The following DGKH variants were observed in gnomAD, a reference collection of about 807,000 sequenced individuals.
DGKH encodes the protein diacylglycerol kinase eta.
In DGKH, 90 loss-of-function variants were observed where a neutral mutation model predicts 159.3. The ratio of observed to expected loss-of-function variants is 0.57; its 90% CI spans 0.48 to 0.67. The LOEUF is 0.67. Among genes scored for constraint, DGKH ranks in the 30% least tolerant of loss-of-function variants. DGKH has a pLI of 0.00. For synonymous variants in DGKH, 536 were observed against 553.8 expected (o/e 0.97, Z 0.45); for missense variants, 1,181 against 1,506.1 (o/e 0.78, Z 3.57).
intron 3 of DGKH, among the ~76,000 whole-genome samples, chr13:42,138,840 A>C (rs1263145752): frequency 6.6e-6 from 1 of 151,992 alleles, no homozygotes; most frequent in Non-Finnish European, 1.5e-5. Context: ...ATTTTATAGC[A>C]CTCTAAAATG....
chr13:42,166,446 C>G, intron 8 of DGKH, 69 bp from the exon 9 acceptor site: 1 of 1,303,414 alleles, frequency 7.7e-7, no homozygotes, highest in Non-Finnish European at 1.0e-6. Flanking sequence ...TTTCTTTTCT[C>G]TGAATGTTTG....
chr13:42,177,465 T>C (rs1241222363), intron 12 of DGKH, among the ~76,000 whole-genome samples: 2 of 152,230 alleles, frequency 1.3e-5, no homozygotes, highest in African/African-American at 4.8e-5. Flanking sequence ...TCCTAGTGCA[T>C]GTCTTTTGGT....
At chr13:42,197,158 G>A (rs12864038) in intron 17 of DGKH, among the ~76,000 whole-genome samples, 17,828 of 150,372 alleles carry the variant, frequency 0.12, 1,519 homozygotes, top group East Asian at 0.4. Context: ...ACTGAGGCAG[G>A]ATTATCCCTT....
intron 1 of DGKH, among the ~76,000 whole-genome samples, chr13:42,125,772 C>T (rs1468325813): frequency 6.6e-6 from 1 of 152,140 alleles, no homozygotes; most frequent in Non-Finnish European, 1.5e-5. Flanking sequence ...GAAATAGTGT[C>T]ATGTAAAAGT....
At chr13:42,129,476 G>A (rs1228573080) in intron 2 of DGKH, 76 bp from the exon 3 acceptor site, 1 of 1,217,016 alleles carries the variant, frequency 8.2e-7, no homozygotes, top group Non-Finnish European at 1.2e-6. Flanking sequence ...CCTAATTCCT[G>A]TATTGAAAAA....
intron 21 of DGKH, among the ~76,000 whole-genome samples, chr13:42,207,851 C>G (rs1168724771): frequency 6.6e-6 from 1 of 151,778 alleles, no homozygotes; most frequent in Non-Finnish European, 1.5e-5. Flanking sequence ...GATAGGGATA[C>G]AGTATAAGAT....
At chr13:42,179,472 C>CT (rs1344034081) in intron 13 of DGKH, among the ~76,000 whole-genome samples, 1 of 152,022 alleles carries the variant, frequency 6.6e-6, no homozygotes, top group Non-Finnish European at 1.5e-5. Flanking sequence ...TATTGGAATT[C>CT]TGTGTAAGAT....
intron 1 of DGKH, among the ~76,000 whole-genome samples, chr13:42,115,310 G>A (rs183186006): frequency 6.6e-6 from 1 of 152,244 alleles, no homozygotes; most frequent in Non-Finnish European, 1.5e-5. Flanking sequence ...TAGTTAACAT[G>A]TATTAATTAT....
chr13:42,252,487 T>C (rs960698669), intron 30 of DGKH: 14 of 152,518 alleles, frequency 9.2e-5, no homozygotes, highest in Admixed American at 3.3e-4. Flanking sequence ...AGGAGGTAAG[T>C]GGCCTGAGAC....
intron 1 of DGKH, among the ~76,000 whole-genome samples, chr13:42,080,153 A>G (rs1047891540): frequency 1.3e-5 from 2 of 152,240 alleles, no homozygotes; most frequent in African/African-American, 4.8e-5. Context: ...TTGCTACTTA[A>G]CATGGTAATT....
chr13:42,193,345 G>C (rs538818327), intron 16 of DGKH, among the ~76,000 whole-genome samples: 1 of 152,282 alleles, frequency 6.6e-6, no homozygotes, highest in South Asian at 2.1e-4. Flanking sequence ...ATATAGTGCT[G>C]TAAATGTTGA....
At chr13:42,147,495 A>G (rs1017812497) in intron 3 of DGKH, among the ~76,000 whole-genome samples, 3 of 152,232 alleles carry the variant, frequency 2.0e-5, no homozygotes, top group African/African-American at 7.2e-5. Flanking sequence ...ACAAAACAAG[A>G]TAATTATTTT....
intron 26 of DGKH, among the ~76,000 whole-genome samples, chr13:42,217,118 G>T (rs1957819790): frequency 1.3e-5 from 2 of 152,172 alleles, no homozygotes; most frequent in Admixed American, 6.5e-5. Context: ...ATAAGGAATT[G>T]ATTGTATTTG....
intron 1 of DGKH, among the ~76,000 whole-genome samples, chr13:42,126,285 G>C (rs1316259176): frequency 6.6e-6 from 1 of 152,188 alleles, no homozygotes; most frequent in Non-Finnish European, 1.5e-5. Context: ...AGATCAGGAT[G>C]GGGGAAAATA....
At chr13:42,218,924 G>A (rs942774818) in intron 26 of DGKH, among the ~76,000 whole-genome samples, 1 of 152,050 alleles carries the variant, frequency 6.6e-6, no homozygotes, top group Non-Finnish European at 1.5e-5. Context: ...ATGAAGGAGG[G>A]AGACAGGAAA....
At position 42,235,370 on chromosome 13, in the gene DGKH, A is replaced by G. The variant is rs777850012; in HGVS notation, c.*6182A>G. The G allele has an allele frequency of 2.1e-4, 32 of 152,170 alleles. 1 individual carries two copies. Among genetic ancestry groups the G allele is most frequent in the Admixed American group, 5.2e-4 (8 of 15,266 alleles). 9.4% of individuals were successfully genotyped at this position (152,170 alleles called of 1,614,324 possible). A position where few individuals can be genotyped will look rare whatever the true frequency, so the allele number is the denominator to read the frequency against. ...ATTTTAGCTACAAGTTATTCATTGC[A>G]TAGGATTTTATAAATAGTCTGGGTA... On this transcript the variant is annotated 3_prime_UTR_variant, in exon 30 of 30. Coordinates refer to ENST00000337343, the MANE Select transcript of DGKH (RefSeq NM_178009.5).
At chr13:42,219,533 T>A (rs1321476799) in intron 27 of DGKH, among the ~76,000 whole-genome samples, 153 bp from the exon 28 acceptor site, 2 of 152,250 alleles carry the variant, frequency 1.3e-5, no homozygotes, top group African/African-American at 2.4e-5. Context: ...TGGGACATTT[T>A]TAGTAGTACA....
chr13:42,124,862 T>A (rs1955140242), intron 1 of DGKH, among the ~76,000 whole-genome samples: 1 of 152,232 alleles, frequency 6.6e-6, no homozygotes, highest in African/African-American at 2.4e-5. Flanking sequence ...GGAGCACTTT[T>A]AGCTGCTGCC....
At chr13:42,209,283 C>A in intron 22 of DGKH, 48 bp from the exon 23 acceptor site, 1 of 1,579,870 alleles carries the variant, frequency 6.3e-7, no homozygotes, top group South Asian at 1.2e-5. Flanking sequence ...GATTGAGTGT[C>A]ATTTTCTCTG....
Sources: allele counts gnomAD v4.1 joint callset (sites outside exome capture counted in the v4.1 genomes callset), GRCh38; gene constraint gnomAD v4.1.1; transcripts MANE v1.5; gene names NCBI Gene and HGNC (gene_info 2026-07-23, HGNC 2026-07-21).